CRELD2: variants seen among roughly 807,000 people sequenced by gnomAD.
CRELD2 encodes protein disulfide isomerase CRELD2.
In CRELD2, 33 loss-of-function variants were observed where a neutral mutation model predicts 48.1. The ratio of observed to expected loss-of-function variants is 0.69; its 90% CI spans 0.52 to 0.92. CRELD2 has a LOEUF of 0.92. CRELD2 is among the 40% of genes least tolerant of loss of function. The probability of loss-of-function intolerance (pLI) is 0.00; values close to 1 mark genes in which losing one functional copy is unlikely to be tolerated. For missense variants in CRELD2, 477 were observed against 482.4 expected (o/e 0.99, Z 0.10); for synonymous variants, 220 against 203.9 (o/e 1.08, Z -0.67).
At chr22:49,925,938 G>A in intron 9 of CRELD2, 1 of 212,250 alleles carries the variant, frequency 4.7e-6, no homozygotes, top group Non-Finnish European at 9.2e-6. Flanking sequence ...AGTGGTGGAG[G>A]GCAAGCGGGT....
intron 4 of CRELD2, among the ~76,000 whole-genome samples, 195 bp downstream of exon 4, chr22:49,920,442 C>G (rs2060673394): frequency 6.6e-6 from 1 of 152,238 alleles, no homozygotes; most frequent in South Asian, 2.1e-4. Context: ...GCAGCCTCAC[C>G]ACTAACCTCA....
At chr22:49,925,906 G>A (rs147343190) in intron 9 of CRELD2, 13 of 344,168 alleles carry the variant, frequency 3.8e-5, no homozygotes, top group Admixed American at 1.0e-4. Context: ...CCAGGGTGCC[G>A]CAGAGACAGG....
intron 5 of CRELD2, chr22:49,922,014 C>T (rs2060693381): frequency 6.7e-6 from 4 of 600,470 alleles, no homozygotes; most frequent in African/African-American, 3.7e-5. Context: ...AGGTCCACCC[C>T]GACCTTGAGT....
At position 49,918,777 on chromosome 22, in the gene CRELD2, TGCCGCGCCGG is replaced by T; in HGVS notation, c.16_25del (p.Arg6TrpfsTer86). ...CCCGCAGCGCTACCCGCCATGCGCC[TGCCGCGCCGG>T]GCCGCGCTGGGGCTCCTGCCGCTTC... On this transcript the variant is annotated frameshift_variant, in exon 1 of 10. Coordinates refer to ENST00000328268, the MANE Select transcript of CRELD2 (RefSeq NM_024324.5). LOFTEE classifies it high-confidence loss of function. 8.1e-7 allele frequency: 1 copy of T among 1,239,132 alleles called. No homozygotes were observed. The highest frequency in any genetic ancestry group is 1.0e-6 in the Non-Finnish European group (1 of 968,438). The allele number at this position is 1,239,132 out of a possible 1,614,324, so 76.8% of individuals were successfully genotyped here. A position where few individuals can be genotyped will look rare whatever the true frequency, so the allele number is the denominator to read the frequency against.
Position 49,920,249 on chromosome 22 carries a change from T to A in CRELD2, c.415+2T>A. The A allele has an allele frequency of 6.2e-7, 1 of 1,602,400 alleles. No individual in the cohort carries two copies. The highest frequency in any genetic ancestry group is 8.5e-7 in the Non-Finnish European group (1 of 1,170,688). ...GAACCTACGGTCCCGACTGTCTCGG[T>A]GCGTTTCTCCTCAGGGAAATCCCAT... is the stretch of plus-strand genomic sequence containing the variant. On this transcript the variant is annotated splice_donor_variant, in intron 4 of 9. Transcript: ENST00000328268. LOFTEE classifies it high-confidence loss of function.
At chr22:49,922,252 T>G in intron 5 of CRELD2, 1 of 1,562,780 alleles carries the variant, frequency 6.4e-7, no homozygotes, top group South Asian at 1.2e-5. Context: ...GACCCGTGGA[T>G]CGATAGTCAG....
intron 7 of CRELD2, 105 bp from the exon 8 acceptor site, chr22:49,924,255 G>A (rs2060733898): frequency 1.4e-6 from 1 of 726,138 alleles, no homozygotes; most frequent in Non-Finnish European, 2.3e-6. Context: ...GATGAATGAG[G>A]AGAAAACCCA....
chr22:49,921,962 G>A, intron 5 of CRELD2: 1 of 619,706 alleles, frequency 1.6e-6, no homozygotes, highest in Non-Finnish European at 2.8e-6. Context: ...TCCCGTAACA[G>A]CCCTCAGAAG....
chr22:49,923,363 G>C (rs372799715), intron 7 of CRELD2, 46 bp downstream of exon 7: 2 of 1,437,980 alleles, frequency 1.4e-6, no homozygotes, highest in East Asian at 2.3e-5. Flanking sequence ...GCCGGGTTTC[G>C]TTGCTGCCTT....
intron 8 of CRELD2, chr22:49,924,755 G>A (rs370470798): frequency 1.2e-4 from 30 of 248,954 alleles, no homozygotes; most frequent in Admixed American, 7.5e-4. Context: ...CCTGGGTGGC[G>A]ATTGCCCCGA....
Position 49,919,557 on chromosome 22 carries a change from C to T in CRELD2, c.213-173C>T, listed in dbSNP as rs112258904. Among the ~76,000 whole-genome samples the T allele has an allele frequency of 4.6e-3, 698 of 152,250 alleles. 8 individuals are homozygous for T. Among genetic ancestry groups the T allele is most frequent in the African/African-American group, 0.015 (636 of 41,468 alleles). On this transcript the variant is annotated intron_variant, in intron 2 of 9. Transcript: ENST00000328268. ...CTTTTCAAAATGTAAACTGGAACAC[C>T]AGCCCCACTTGTGGGAACCGCTCCT...
At chr22:49,922,761 TG>T (rs1268616013) in intron 6 of CRELD2, 54 bp downstream of exon 6, 3 of 536,940 alleles carry the variant, frequency 5.6e-6, no homozygotes, top group Non-Finnish European at 7.9e-6. Flanking sequence ...GTGGGGGGTG[TG>T]AGATGGGGGC....
Position 49,922,678 on chromosome 22 carries a change from G to T in CRELD2, c.659G>T (p.Gly220Val), listed in dbSNP as rs2060704145. ...AGAGACTGCGGCGAGTGTGAAGTGGGCTGGGTGCTGGACGAGGGCGCCTGT... is the reference window on the plus strand; with the variant it reads ...AGAGACTGCGGCGAGTGTGAAGTGGTCTGGGTGCTGGACGAGGGCGCCTGT... The part of the protein sequence containing the change: ...TNRDCGECEV[G>V]WVLDEGACVD... Residue 220 changes from glycine to valine, a missense_variant, in exon 6 of 10, where the codon GGC becomes GTC. Coordinates refer to ENST00000328268, the MANE Select transcript of CRELD2 (RefSeq NM_024324.5). 1 of 1,558,988 alleles carries T rather than the reference G, an allele frequency of 6.4e-7. No homozygotes were observed.
In CRELD2 at chr22:49,919,669, C is replaced by T. The variant is rs1024067295; in HGVS notation, c.213-61C>T. 2.5e-4 allele frequency: 332 copies of T among 1,325,688 alleles called. 1 individual carries two copies. The highest frequency in any genetic ancestry group is 4.6e-4 in the Middle Eastern group (2 of 4,336). The allele number at this position is 1,325,688 out of a possible 1,614,324, so 82.1% of individuals were successfully genotyped here. ...CTGCACCCAGGTTGGCGTATTGGTTCGGATTTTTCTTCACTGCCTTGGAGG... is the reference window on the plus strand; with the variant it reads ...CTGCACCCAGGTTGGCGTATTGGTTTGGATTTTTCTTCACTGCCTTGGAGG... On this transcript the variant is annotated intron_variant, in intron 2 of 9. Transcript: ENST00000328268.
chr22:49,925,498 G>C lies in CRELD2; in HGVS notation c.950G>C (p.Cys317Ser). 1 of 1,614,034 alleles carries C rather than the reference G, an allele frequency of 6.2e-7. No individual in the cohort carries two copies. The highest frequency in any genetic ancestry group is 2.2e-5 in the East Asian group (1 of 44,878). Reference sequence around the variant, plus strand: ...TACAATACTCCAGGGAGCTACGTCTGTGTGTGTCCTGACGGCTTCGAAGAA... The same window carrying C: ...TACAATACTCCAGGGAGCTACGTCTCTGTGTGTCCTGACGGCTTCGAAGAA... ...NCYNTPGSYV[C>S]VCPDGFEETE... The change falls in exon 9 of 10, where the codon TGT (cysteine) becomes TCT (serine). Residue 317 changes from cysteine (C) to serine (S), a missense_variant. Cys to Ser is a moderately radical substitution (Grantham distance 112). Transcript: ENST00000328268.
chr22:49,920,237 C>T lies in CRELD2; in HGVS notation c.405C>T (p.Pro135=). ...KVCCSPGTYG[P]DCLACQGGSQ... The stretch of plus-strand genomic sequence containing the variant: ...GCTGCTCTCCAGGAACCTACGGTCC[C>T]GACTGTCTCGGTGCGTTTCTCCTCA... Residue 135 remains proline (P), a synonymous_variant, in exon 4 of 10, where the codon CCC becomes CCT. Coordinates refer to ENST00000328268, the MANE Select transcript of CRELD2 (RefSeq NM_024324.5). 1 of 1,609,244 alleles carries T rather than the reference C, an allele frequency of 6.2e-7. No homozygotes were observed. The highest frequency in any genetic ancestry group is 1.3e-5 in the African/African-American group (1 of 74,886).
chr22:49,925,434 C>G lies in CRELD2; in HGVS notation c.886C>G (p.Leu296Val). The part of the protein sequence containing the change: ...GQCADVDECS[L>V]AEKTCVRKNE... ...CATTTTAGATGTGGACGAGTGCTCA[C>G]TAGCAGAAAAAACCTGTGTGAGGAA... Residue 296 changes from leucine to valine, a missense_variant, in exon 9 of 10, where the codon CTA becomes GTA. By Grantham distance (32) the Leu-to-Val change is conservative. Coordinates refer to ENST00000328268, the MANE Select transcript of CRELD2 (RefSeq NM_024324.5). 1 of 1,611,456 alleles carries G rather than the reference C, an allele frequency of 6.2e-7. No homozygotes were observed. Among genetic ancestry groups the G allele is most frequent in the African/African-American group, 1.3e-5 (1 of 75,010 alleles).
At chr22:49,919,187 G>C in intron 1 of CRELD2, 43 bp from the exon 2 acceptor site, 1 of 1,595,610 alleles carries the variant, frequency 6.3e-7, no homozygotes, top group Non-Finnish European at 8.6e-7. Context: ...CCCTGGACCC[G>C]GGTCAGGTGG....
chr22:49,920,260 T>C lies in CRELD2; in HGVS notation c.415+13T>C, dbSNP rs780121954. 1.3e-6 allele frequency: 2 copies of C among 1,568,698 alleles called. No homozygotes were observed. Among genetic ancestry groups the C allele is most frequent in the Non-Finnish European group, 8.8e-7 (1 of 1,141,350 alleles). On this transcript the variant is annotated intron_variant, in intron 4 of 9. Coordinates refer to ENST00000328268, the MANE Select transcript of CRELD2 (RefSeq NM_024324.5). ...CCCGACTGTCTCGGTGCGTTTCTCC[T>C]CAGGGAAATCCCATCTCCTACGTCA...
Sources: allele counts gnomAD v4.1 joint callset (sites outside exome capture counted in the v4.1 genomes callset), GRCh38; gene constraint gnomAD v4.1.1; transcripts MANE v1.5; gene names NCBI Gene and HGNC (gene_info 2026-07-23, HGNC 2026-07-21).